Variants in ABCA7 observed in about 807,000 individuals in gnomAD.
The protein encoded by ABCA7 is phospholipid-transporting ATPase ABCA7.
Under a neutral mutation model 227.6 loss-of-function variants are expected in ABCA7, and 261 were observed. The ratio of observed to expected loss-of-function variants is 1.15; its 90% CI spans 1.04 to 1.27. ABCA7 has a LOEUF of 1.27. Among genes scored for constraint, ABCA7 ranks in the 50% most tolerant of loss-of-function variants. The probability of loss-of-function intolerance (pLI) is 0.00; values close to 1 mark genes in which losing one functional copy is unlikely to be tolerated. For synonymous variants in ABCA7, 1,488 were observed against 1,279.7 expected (o/e 1.16, Z -3.47); for missense variants, 3,331 against 2,924.5 (o/e 1.14, Z -3.21).
intron 30 of ABCA7, among the ~76,000 whole-genome samples, 158 bp from the exon 31 acceptor site, chr19:1,055,749 G>A (rs370037813): frequency 8.5e-5 from 13 of 152,154 alleles, no homozygotes; most frequent in African/African-American, 2.4e-4. Flanking sequence ...TGATCCACCC[G>A]CCTTGGCCTC....
chr19:1,043,276 C>G, intron 8 of ABCA7, 25 bp downstream of exon 8: 1 of 1,611,018 alleles, frequency 6.2e-7, no homozygotes, highest in East Asian at 2.2e-5. Context: ...TCGGTTTCCC[C>G]TCTTGGGAAG....
intron 34 of ABCA7, 85 bp from the exon 35 acceptor site, chr19:1,057,229 C>T: frequency 6.4e-7 from 1 of 1,565,916 alleles, no homozygotes; most frequent in African/African-American, 1.3e-5. Flanking sequence ...ACTCAAAAAG[C>T]AAGGAGGTCA....
Position 1,055,291 on chromosome 19 carries a change from T to C in ABCA7, c.4145T>C (p.Leu1382Pro). 1 of 1,604,996 alleles carries C rather than the reference T, an allele frequency of 6.2e-7. No homozygotes were observed. The highest frequency in any genetic ancestry group is 8.5e-7 in the Non-Finnish European group (1 of 1,177,086). ...VTGSGEVVQNLTGRNLSDFLV... is the reference protein window; with the variant it reads ...VTGSGEVVQNPTGRNLSDFLV... ...GGCTCTGGGGAAGTGGTTCAGAACCTGACAGGCCGGAACCTGTCTGACTTC... is the reference window on the plus strand; with the variant it reads ...GGCTCTGGGGAAGTGGTTCAGAACCCGACAGGCCGGAACCTGTCTGACTTC... The change falls in exon 30 of 47, where the codon CTG (leucine) becomes CCG (proline). Residue 1382 changes from leucine to proline, a missense_variant. Physicochemically the swap from Leu to Pro is moderately conservative, Grantham distance 98. Transcript: ENST00000263094.
At chr19:1,044,470 A>AC in intron 10 of ABCA7, 107 bp from the exon 11 acceptor site, 1 of 1,341,954 alleles carries the variant, frequency 7.5e-7, no homozygotes, top group East Asian at 2.4e-5. Context: ...CTGGTCTCGA[A>AC]CTCCTGACCT....
At position 1,045,078 on chromosome 19, in the gene ABCA7, A is replaced by G; in HGVS notation, c.1292A>G (p.Glu431Gly). ...TCGCGGGCCCTGCAACTGCTCGCGG[A>G]ACATCGATTCTGGGCCGGCGTCGTC... The part of the protein sequence containing the change: ...LVSRALQLLA[E>G]HRFWAGVVFL... Residue 431 changes from glutamate to glycine, a missense_variant, in exon 12 of 47, where the codon GAA (glutamate) becomes GGA (glycine). By Grantham distance (98) the Glu-to-Gly change is moderately conservative. Coordinates refer to ENST00000263094, the MANE Select transcript of ABCA7 (RefSeq NM_019112.4). The G allele has an allele frequency of 1.2e-6, 2 of 1,612,896 alleles. No homozygotes were observed. Among genetic ancestry groups the G allele is most frequent in the African/African-American group, 2.7e-5 (2 of 74,990 alleles).
In ABCA7 at chr19:1,049,443, C is replaced by T. The variant is rs374248877; in HGVS notation, c.2552+6C>T. 41 of 1,581,596 alleles carry T rather than the reference C, an allele frequency of 2.6e-5. No homozygotes were observed. The African/African-American group carries it at 4.4e-4, about 17-fold the overall frequency. On this transcript the variant is annotated splice_donor_region_variant and intron_variant, in intron 18 of 46. Transcript: ENST00000263094. ...GCCGGCAAGACCACCACCCTGTGAG[C>T]CCCCAACCACTCCCTCCCCGTGAGC...
Position 1,058,689 on chromosome 19 carries a change from G to A in ABCA7, c.5221G>A (p.Gly1741Arg), listed in dbSNP as rs1311222336. ...GAACCTCTTGGCCATGGTGATACAGGGGCCCCTCTTCCTTCTCTTCACACT... is the reference window on the plus strand; with the variant it reads ...GAACCTCTTGGCCATGGTGATACAGAGGCCCCTCTTCCTTCTCTTCACACT... ...GKNLLAMVIQ[G>R]PLFLLFTLLL... The change falls in exon 38 of 47, where the codon GGG becomes AGG. Residue 1741 changes from glycine (G) to arginine (R), a missense_variant. Physicochemically the swap from Gly to Arg is moderately radical, Grantham distance 125 (BLOSUM62 -2). Transcript: ENST00000263094. The A allele has an allele frequency of 6.8e-6, 11 of 1,613,846 alleles. No homozygotes were observed. Among genetic ancestry groups the A allele is most frequent in the Middle Eastern group, 1.6e-4 (1 of 6,084 alleles).
chr19:1,042,330 C>G lies in ABCA7; in HGVS notation c.431C>G (p.Thr144Ser), dbSNP rs1438473031. ...CCTCCCCCAGCCCAGCCTCAACCAA[C>G]CAAGCAGTCTCCACTGGAACCACCC... The part of the protein sequence containing the change: ...AARSTAQPQP[T>S]KQSPLEPPML... Residue 144 changes from threonine to serine, a missense_variant, in exon 6 of 47, where the codon ACC becomes AGC. Physicochemically the swap from Thr to Ser is moderately conservative, Grantham distance 58. Coordinates refer to ENST00000263094, the MANE Select transcript of ABCA7 (RefSeq NM_019112.4). 3 of 1,582,746 alleles carry G rather than the reference C, an allele frequency of 1.9e-6. No individual in the cohort carries two copies. The highest frequency in any genetic ancestry group is 2.6e-6 in the Non-Finnish European group (3 of 1,159,114).
rs775148229 is a variant in ABCA7, at chr19:1,065,161, T to C, written c.6275T>C (p.Met2092Thr). 2 of 1,594,570 alleles carry C rather than the reference T, an allele frequency of 1.3e-6. No homozygotes were observed. The highest frequency in any genetic ancestry group is 3.4e-5 in the Admixed American group (2 of 58,548). The part of the protein sequence containing the change: ...GVEDFSVSQT[M>T]LEEVFLYFSK... ...GAGGACTTTTCCGTGAGCCAGACGA[T>C]GCTGGAGGAGGTGATCACGGCGCCG... is the stretch of plus-strand genomic sequence containing the variant. Residue 2092 changes from methionine to threonine, a missense_variant, in exon 46 of 47, where the codon ATG becomes ACG. By Grantham distance (81) the Met-to-Thr change is moderately conservative (BLOSUM62 -1). Transcript: ENST00000263094.
Position 1,043,849 on chromosome 19 carries a change from G to T in ABCA7, c.1047+8G>T. The T allele has an allele frequency of 6.2e-7, 1 of 1,612,650 alleles. No homozygotes were observed. ...AATGTGGCCATGCTGCAGGTGTGCG[G>T]GGGTGCTGGGGAGGTGGGATGTGGC... On this transcript the variant is annotated splice_region_variant and intron_variant, in intron 10 of 46. Transcript: ENST00000263094.
chr19:1,058,892 C>T lies in ABCA7; in HGVS notation c.5352C>T (p.Val1784=). 1 of 1,585,216 alleles carries T rather than the reference C, an allele frequency of 6.3e-7. No homozygotes were observed. ...EDVARERERV[V]QGATQGDVLV... ...TAGCCCGTGAACGGGAGCGGGTGGT[C>T]CAAGGAGCCACCCAGGGGGATGTGT... Residue 1784 remains valine, a synonymous_variant, in exon 39 of 47, where the codon GTC becomes GTT. Coordinates refer to ENST00000263094, the MANE Select transcript of ABCA7 (RefSeq NM_019112.4).
At position 1,053,394 on chromosome 19, in the gene ABCA7, C is replaced by A; in HGVS notation, c.3286C>A (p.Pro1096Thr). The change falls in exon 24 of 47, where the codon CCA (proline) becomes ACA (threonine). Residue 1096 changes from proline to threonine, a missense_variant. By Grantham distance (38) the Pro-to-Thr change is conservative. Coordinates refer to ENST00000263094, the MANE Select transcript of ABCA7 (RefSeq NM_019112.4). Reference protein sequence around the residue: ...VPGARLVEELPHELVLVLPYT... With the variant: ...VPGARLVEELTHELVLVLPYT... ...CGGGGCACGGCTGGTGGAGGAGCTG[C>A]CACACGAGCTGGTGCTGGTGCTGCC... The A allele has an allele frequency of 6.2e-7, 1 of 1,608,196 alleles. No individual in the cohort carries two copies.
chr19:1,052,497 AGGGAG>A (rs1334590289), intron 23 of ABCA7, among the ~76,000 whole-genome samples: 7 of 356 alleles, frequency 0.02, no homozygotes, highest in Non-Finnish European at 0.032. Context: ...GAGGAGGGGG[AGGGAG>A]AGGAGGAGGG....
In ABCA7 at chr19:1,063,874, C is replaced by T. The variant is rs1336026614; in HGVS notation, c.5951+11C>T. 3.9e-6 allele frequency: 6 copies of T among 1,521,948 alleles called. No homozygotes were observed. Among genetic ancestry groups the T allele is most frequent in the Non-Finnish European group, 5.3e-6 (6 of 1,134,104 alleles). The allele number at this position is 1,521,948 out of a possible 1,614,324, so 94.3% of individuals were successfully genotyped here. A position where few individuals can be genotyped will look rare whatever the true frequency, so the allele number is the denominator to read the frequency against. On this transcript the variant is annotated intron_variant, in intron 44 of 46. Transcript: ENST00000263094. ...GCTCACCTCCCATAGGTGGGCCGGG[C>T]TCTGATGCCCTGGGCTGTGGTTAAG...
At chr19:1,063,887 G>A (rs1444127006) in intron 44 of ABCA7, 24 bp downstream of exon 44, 1 of 1,512,974 alleles carries the variant, frequency 6.6e-7, no homozygotes, top group Admixed American at 2.0e-5. Flanking sequence ...TGATGCCCTG[G>A]GCTGTGGTTA....
At position 1,050,902 on chromosome 19, in the gene ABCA7, G is replaced by A. The variant is rs2144810415; in HGVS notation, c.2553-19G>A. The A allele has an allele frequency of 6.4e-7, 1 of 1,572,602 alleles. No individual in the cohort carries two copies. Among genetic ancestry groups the A allele is most frequent in the Non-Finnish European group, 8.6e-7 (1 of 1,156,226 alleles). On this transcript the variant is annotated intron_variant, in intron 18 of 46. Coordinates refer to ENST00000263094, the MANE Select transcript of ABCA7 (RefSeq NM_019112.4). Reference sequence around the variant, plus strand: ...TGCACTCTGTGAAGGGGGCTACTCTGAGACCCCTCTATCCACAGGTCCATC... The same window carrying A: ...TGCACTCTGTGAAGGGGGCTACTCTAAGACCCCTCTATCCACAGGTCCATC...
chr19:1,058,920 G>A lies in ABCA7; in HGVS notation c.5380G>A (p.Val1794Met). Residue 1794 changes from valine to methionine, a missense_variant, in exon 39 of 47, where the codon GTG becomes ATG. By Grantham distance (21) the Val-to-Met change is conservative (BLOSUM62 1). Transcript: ENST00000263094. ...VQGATQGDVL[V>M]LRNLTKVYRG... Reference sequence around the variant, plus strand: ...AGGAGCCACCCAGGGGGATGTGTTGGTGCTGAGGAACTTGACCAAGGTAGG... The same window carrying A: ...AGGAGCCACCCAGGGGGATGTGTTGATGCTGAGGAACTTGACCAAGGTAGG... 2 of 1,599,642 alleles carry A rather than the reference G, an allele frequency of 1.3e-6. No homozygotes were observed. The highest frequency in any genetic ancestry group is 1.7e-6 in the Non-Finnish European group (2 of 1,170,134).
rs754109029 is a variant in ABCA7, at chr19:1,059,098, G to C, written c.5463+13G>C. The C allele has an allele frequency of 1.9e-6, 3 of 1,610,966 alleles. No homozygotes were observed. In the East Asian group the frequency reaches 6.7e-5, roughly 36 times the overall value. On this transcript the variant is annotated intron_variant, in intron 40 of 46. Coordinates refer to ENST00000263094, the MANE Select transcript of ABCA7 (RefSeq NM_019112.4). ...TCCCCCTGGTGAGGTGAGTCCAGGG[G>C]TGGAGGCCAGGTGCAGGGACAGTGA... is the stretch of plus-strand genomic sequence containing the variant.
intron 21 of ABCA7, 150 bp from the exon 22 acceptor site, chr19:1,051,792 A>G (rs2041655447): frequency 4.2e-6 from 5 of 1,194,876 alleles, no homozygotes; most frequent in Non-Finnish European, 3.5e-6. Context: ...AAGGGCCAGA[A>G]AAGGTTTCCA....
Sources: allele counts gnomAD v4.1 joint callset (sites outside exome capture counted in the v4.1 genomes callset), GRCh38; gene constraint gnomAD v4.1.1; transcripts MANE v1.5; gene names NCBI Gene and HGNC (gene_info 2026-07-23, HGNC 2026-07-21).